The following CTIF variants were observed in gnomAD, a reference collection of about 807,000 sequenced individuals.
CTIF encodes cap binding complex dependent translation initiation factor, also known as CBP80/20-dependent translation initiation factor.
A neutral mutation model predicts 66.0 loss-of-function variants in CTIF; 21 were observed. That is an observed-to-expected ratio of 0.32 (90% CI 0.23 to 0.46). The LOEUF is 0.46. Ranked by LOEUF, CTIF falls within the 20% of genes least tolerant of loss-of-function variation. CTIF has a pLI of 1.00. For missense variants in CTIF, 739 were observed against 812.7 expected, an observed-to-expected ratio of 0.91 and a Z score of 1.10; for synonymous variants, 345 against 326.4, an observed-to-expected ratio of 1.06 and a Z score of -0.62.
At chr18:48,624,498 T>A (rs2090558850) in intron 2 of CTIF, among the ~76,000 whole-genome samples, 1 of 152,176 alleles carries the variant, frequency 6.6e-6, no homozygotes, top group Admixed American at 6.5e-5. Flanking sequence ...ACTAATCTTT[T>A]GGGGAAGAGA....
intron 6 of CTIF, among the ~76,000 whole-genome samples, chr18:48,694,352 G>C (rs895667028): frequency 9.2e-5 from 14 of 152,236 alleles, no homozygotes; most frequent in African/African-American, 3.4e-4. Context: ...GAGCAGGGAG[G>C]GGATGAGAGC....
chr18:48,853,894 C>T (rs2069265644), intron 10 of CTIF, among the ~76,000 whole-genome samples: 1 of 152,178 alleles, frequency 6.6e-6, no homozygotes, highest in African/African-American at 2.4e-5. Context: ...GTTGGCTGGG[C>T]ATGATTTTGC....
chr18:48,594,472 G>A (rs781669277), intron 1 of CTIF, among the ~76,000 whole-genome samples: 10 of 152,082 alleles, frequency 6.6e-5, no homozygotes, highest in Non-Finnish European at 1.3e-4. Context: ...TGGAGTAGCC[G>A]GCAGAGGCCC....
intron 9 of CTIF, among the ~76,000 whole-genome samples, chr18:48,802,287 G>T (rs2068063946): frequency 6.6e-6 from 1 of 152,190 alleles, no homozygotes; most frequent in South Asian, 2.1e-4. Context: ...TACCACCTGT[G>T]CCCGGGCCTA....
At chr18:48,686,714 C>T (rs530873261) in intron 6 of CTIF, among the ~76,000 whole-genome samples, 20 of 152,268 alleles carry the variant, frequency 1.3e-4, no homozygotes, top group South Asian at 2.1e-4. Context: ...ATTTAGACTT[C>T]GATCTGGTTC....
chr18:48,581,768 C>T (rs2089663269), intron 1 of CTIF, among the ~76,000 whole-genome samples: 2 of 152,066 alleles, frequency 1.3e-5, no homozygotes, highest in Non-Finnish European at 2.9e-5. Flanking sequence ...ACACGTGGCA[C>T]CAGGGAGGTG....
intron 3 of CTIF, among the ~76,000 whole-genome samples, chr18:48,663,148 C>T (rs2091375556): frequency 1.3e-5 from 2 of 152,086 alleles, no homozygotes; most frequent in African/African-American, 4.8e-5. Context: ...GCATCAGGTG[C>T]GGTCAGGGGT....
chr18:48,765,000 C>T (rs1310481412), intron 9 of CTIF, among the ~76,000 whole-genome samples: 1 of 152,186 alleles, frequency 6.6e-6, no homozygotes, highest in Non-Finnish European at 1.5e-5. Flanking sequence ...CTCCTCAGGC[C>T]CTGTGCCTTC....
intron 7 of CTIF, among the ~76,000 whole-genome samples, chr18:48,725,188 T>G (rs1040121187): frequency 1.3e-5 from 2 of 152,200 alleles, no homozygotes; most frequent in Admixed American, 6.5e-5. Context: ...GGAAGCTTGC[T>G]GCCTTTGAGC....
chr18:48,557,387 C>A (rs561586232), intron 1 of CTIF, among the ~76,000 whole-genome samples: 3 of 152,288 alleles, frequency 2.0e-5, no homozygotes, highest in South Asian at 4.1e-4. Context: ...AACCAGGAAC[C>A]TTCCCTGGAG....
At chr18:48,774,731 C>T (rs917831801) in intron 9 of CTIF, among the ~76,000 whole-genome samples, 2 of 152,180 alleles carry the variant, frequency 1.3e-5, no homozygotes, top group African/African-American at 4.8e-5. Context: ...GCTTGGGAGC[C>T]AGCACGTCAC....
chr18:48,778,076 A>T (rs572922262), intron 9 of CTIF, among the ~76,000 whole-genome samples: 7 of 152,176 alleles, frequency 4.6e-5, no homozygotes, highest in African/African-American at 1.7e-4. Flanking sequence ...TTCTGTGAGG[A>T]TTCCTCTTGG....
chr18:48,684,464 A>G (rs1382740540), intron 6 of CTIF, among the ~76,000 whole-genome samples: 1 of 152,154 alleles, frequency 6.6e-6, no homozygotes, highest in Non-Finnish European at 1.5e-5. Flanking sequence ...TATTTCTAAT[A>G]TCTAGTATAC....
chr18:48,754,214 C>T (rs1303710995), intron 7 of CTIF, among the ~76,000 whole-genome samples: 1 of 152,120 alleles, frequency 6.6e-6, no homozygotes, highest in African/African-American at 2.4e-5. Flanking sequence ...CACTGCGGTC[C>T]TTGTCCCTGA....
intron 3 of CTIF, among the ~76,000 whole-genome samples, chr18:48,660,558 C>T (rs1568112853): frequency 6.6e-6 from 1 of 152,198 alleles, no homozygotes; most frequent in Non-Finnish European, 1.5e-5. Flanking sequence ...ATTGGTGGGT[C>T]CCCCGCCAGG....
At chr18:48,608,843 T>C (rs1568069922) in intron 1 of CTIF, among the ~76,000 whole-genome samples, 1 of 152,176 alleles carries the variant, frequency 6.6e-6, no homozygotes, top group Non-Finnish European at 1.5e-5. Context: ...GAAAGCTGAC[T>C]GGGGACCCTG....
chr18:48,606,845 C>CAAGGGGG (rs1223189652), intron 1 of CTIF, among the ~76,000 whole-genome samples: 2 of 152,056 alleles, frequency 1.3e-5, no homozygotes, highest in Admixed American at 6.6e-5. Flanking sequence ...CTAATTTGTA[C>CAAGGGGG]AAGGGGGACA....
intron 7 of CTIF, among the ~76,000 whole-genome samples, chr18:48,715,485 C>T (rs2092271331): frequency 6.6e-6 from 1 of 152,188 alleles, no homozygotes; most frequent in Non-Finnish European, 1.5e-5. Context: ...AGACCTGTTG[C>T]TTGGAACGGG....
At chr18:48,780,789 A>AT (rs542069774) in intron 9 of CTIF, among the ~76,000 whole-genome samples, 61 of 152,340 alleles carry the variant, frequency 4.0e-4, no homozygotes, top group South Asian at 2.3e-3. Context: ...GCCAGAGGCC[A>AT]TTTCAGCATG....
Sources: allele counts gnomAD v4.1 joint callset (sites outside exome capture counted in the v4.1 genomes callset), GRCh38; gene constraint gnomAD v4.1.1; transcripts MANE v1.5; gene names NCBI Gene and HGNC (gene_info 2026-07-23, HGNC 2026-07-21).